The following CMIP variants were observed in gnomAD, a reference collection of about 807,000 sequenced individuals.
CMIP encodes the protein c-Maf inducing protein.
A neutral mutation model predicts 97.3 loss-of-function variants in CMIP; 13 were observed. The observed-to-expected ratio is 0.13, with a 90% CI of 0.09 to 0.21. The LOEUF (loss-of-function observed/expected upper bound fraction) is 0.21. Among genes scored for constraint, CMIP ranks in the 10% least tolerant of loss-of-function variants. CMIP has a pLI of 1.00. For synonymous variants in CMIP, 538 were observed against 436.3 expected, an observed-to-expected ratio of 1.23 and a Z score of -2.91; for missense variants, 847 against 1,024.9, an observed-to-expected ratio of 0.83 and a Z score of 2.37.
intron 1 of CMIP, among the ~76,000 whole-genome samples, chr16:81,574,228 T>A (rs4483835): frequency 6.6e-6 from 1 of 152,170 alleles, no homozygotes; most frequent in Non-Finnish European, 1.5e-5. Flanking sequence ...CCACCTGCCC[T>A]ACTTCCCTCA....
chr16:81,644,964 G>C (rs949207999), intron 3 of CMIP, among the ~76,000 whole-genome samples: 11 of 152,192 alleles, frequency 7.2e-5, no homozygotes, highest in African/African-American at 2.7e-4. Context: ...GGGCCCGTGG[G>C]GACGTGATGA....
intron 17 of CMIP, among the ~76,000 whole-genome samples, chr16:81,703,142 C>G (rs10454070): frequency 1.1e-3 from 166 of 152,024 alleles, no homozygotes; most frequent in African/African-American, 3.9e-3. Flanking sequence ...GGCTCCAGAC[C>G]TCTTGTCTCC....
intron 2 of CMIP, among the ~76,000 whole-genome samples, chr16:81,612,915 C>A (rs1042530306): frequency 4.6e-5 from 7 of 152,292 alleles, no homozygotes; most frequent in South Asian, 4.1e-4. Context: ...TATGTTCCCA[C>A]TGGGCTGAGT....
intron 3 of CMIP, among the ~76,000 whole-genome samples, chr16:81,624,014 T>A (rs1454997683): frequency 2.0e-5 from 3 of 152,116 alleles, no homozygotes; most frequent in African/African-American, 4.8e-5. Context: ...ACATAACCCC[T>A]CTGCTTCTGC....
At chr16:81,448,720 G>A (rs774606530) in intron 1 of CMIP, among the ~76,000 whole-genome samples, 19 of 152,378 alleles carry the variant, frequency 1.2e-4, no homozygotes, top group African/African-American at 3.8e-4. Context: ...CTTTGGATCC[G>A]AAATGCTCGT....
At chr16:81,511,919 G>T (rs891910388) in intron 1 of CMIP, among the ~76,000 whole-genome samples, 6 of 152,086 alleles carry the variant, frequency 3.9e-5, no homozygotes, top group African/African-American at 1.4e-4. Flanking sequence ...ACACATGGTC[G>T]CTGAGCACTT....
At chr16:81,664,425 G>T (rs188445188) in intron 7 of CMIP, 76 bp downstream of exon 7, 4 of 1,401,420 alleles carry the variant, frequency 2.9e-6, no homozygotes, top group Non-Finnish European at 3.9e-6. Flanking sequence ...GGCCTTTTGC[G>T]TTGGCACAGA....
intron 1 of CMIP, among the ~76,000 whole-genome samples, chr16:81,516,488 TTCCCTGGACACTC>T (rs1016062043): frequency 9.9e-5 from 15 of 152,132 alleles, no homozygotes; most frequent in East Asian, 7.7e-4. Flanking sequence ...CCCCACTCCC[TTCCCTGGACACTC>T]TCCCTGGACA....
At chr16:81,667,388 T>C (rs974969918) in intron 7 of CMIP, 1 of 152,230 alleles carries the variant, frequency 6.6e-6, no homozygotes, top group Non-Finnish European at 1.5e-5. Context: ...CGGAGTGTTC[T>C]TGTGGCAAAG....
chr16:81,488,509 T>C (rs949975148), intron 1 of CMIP, among the ~76,000 whole-genome samples: 3 of 152,032 alleles, frequency 2.0e-5, no homozygotes, highest in Non-Finnish European at 2.9e-5. Context: ...CACCTGCAGG[T>C]TTTGATTGTT....
chr16:81,477,861 G>A (rs934795297), intron 1 of CMIP, among the ~76,000 whole-genome samples: 2 of 152,174 alleles, frequency 1.3e-5, no homozygotes, highest in Non-Finnish European at 2.9e-5. Flanking sequence ...TTACCATTTC[G>A]TTTGCATTCC....
intron 7 of CMIP, among the ~76,000 whole-genome samples, chr16:81,667,491 G>A (rs1235372024): frequency 6.6e-6 from 1 of 152,148 alleles, no homozygotes; most frequent in Non-Finnish European, 1.5e-5. Context: ...GAGGCTGCTG[G>A]ATCCCTCTGT....
chr16:81,640,713 C>T (rs1165046338), intron 3 of CMIP, among the ~76,000 whole-genome samples: 1 of 150,634 alleles, frequency 6.6e-6, no homozygotes, highest in African/African-American at 2.5e-5. Flanking sequence ...GGCTCTGCCT[C>T]CATACGTGGA....
rs1009839271 is a variant in CMIP at position 81,576,921 on chromosome 16, T to TCAC, written c.301-30636_301-30634dup. ...AGTGGAGGCTGCTCTGATCACATCA[T>TCAC]CACCACCACCACAATCAACAGCAGC... On this transcript the variant is annotated intron_variant, in intron 1 of 20. Coordinates refer to ENST00000537098, the MANE Select transcript of CMIP (RefSeq NM_198390.3). Among the ~76,000 whole-genome samples, 25 of 152,174 alleles carry TCAC rather than the reference T, an allele frequency of 1.6e-4. 1 individual carries two copies. The highest frequency in any genetic ancestry group is 5.5e-4 in the African/African-American group (23 of 41,478).
chr16:81,615,651 A>ATGTGTGTGGTGTGTATGTGTCTG (rs1272980141), intron 2 of CMIP, among the ~76,000 whole-genome samples: 5 of 113,392 alleles, frequency 4.4e-5, no homozygotes, highest in African/African-American at 1.8e-4. Flanking sequence ...TGGTGTGTGT[A>ATGTGTGTGGTGTGTATGTGTCTG]TGTGTGTGGT....
chr16:81,486,952 G>C (rs536519381), intron 1 of CMIP, among the ~76,000 whole-genome samples: 1 of 152,264 alleles, frequency 6.6e-6, no homozygotes, highest in Non-Finnish European at 1.5e-5. Flanking sequence ...AAAGGCGCAC[G>C]GCAGGCGATA....
intron 1 of CMIP, among the ~76,000 whole-genome samples, chr16:81,567,845 C>G (rs982773154): frequency 5.4e-4 from 83 of 152,294 alleles, no homozygotes; most frequent in Middle Eastern, 3.4e-3. Flanking sequence ...ATCTGCAGCC[C>G]TGGGCACGTA....
intron 1 of CMIP, among the ~76,000 whole-genome samples, chr16:81,515,803 G>A (rs2089901704): frequency 6.6e-6 from 1 of 152,124 alleles, no homozygotes; most frequent in Non-Finnish European, 1.5e-5. Flanking sequence ...CCAGGCTCCC[G>A]TGTCACTGGA....
intron 4 of CMIP, among the ~76,000 whole-genome samples, chr16:81,654,006 A>G (rs1046073923): frequency 6.6e-6 from 1 of 152,186 alleles, no homozygotes; most frequent in Non-Finnish European, 1.5e-5. Context: ...CAAGTTTGTA[A>G]TGGAGCTAGA....
Sources: allele counts gnomAD v4.1 joint callset (sites outside exome capture counted in the v4.1 genomes callset), GRCh38; gene constraint gnomAD v4.1.1; transcripts MANE v1.5; gene names NCBI Gene and HGNC (gene_info 2026-07-23, HGNC 2026-07-21).